MYO1E: variants seen among roughly 807,000 people sequenced by gnomAD.
MYO1E encodes myosin IE, also known as unconventional myosin-Ie.
A neutral mutation model predicts 151.1 loss-of-function variants in MYO1E; 68 were observed. The ratio of observed to expected loss-of-function variants is 0.45; its 90% CI spans 0.37 to 0.55. MYO1E has a LOEUF of 0.55. Among genes scored for constraint, MYO1E ranks in the 20% least tolerant of loss-of-function variants. The pLI, the probability that MYO1E is intolerant of heterozygous loss-of-function variation, is 0.00. For missense variants in MYO1E, 1,363 were observed against 1,389.3 expected (o/e 0.98, Z 0.30); for synonymous variants, 601 against 501.7 (o/e 1.20, Z -2.64).
intron 1 of MYO1E, among the ~76,000 whole-genome samples, chr15:59,306,019 C>T (rs1205210295): frequency 6.6e-6 from 1 of 152,172 alleles, no homozygotes; most frequent in African/African-American, 2.4e-5. Flanking sequence ...GAGAAATAAA[C>T]ACATGCCACA....
intron 5 of MYO1E, among the ~76,000 whole-genome samples, chr15:59,236,364 ATATATACACAC>A (rs2080064221): frequency 4.1e-5 from 2 of 48,540 alleles, no homozygotes; most frequent in Non-Finnish European, 8.2e-5. Flanking sequence ...AAAAAAAAAA[ATATATACACAC>A]ACACACACAC....
At chr15:59,262,875 C>G (rs1201542428) in intron 2 of MYO1E, among the ~76,000 whole-genome samples, 2 of 152,044 alleles carry the variant, frequency 1.3e-5, no homozygotes, top group African/African-American at 4.8e-5. Flanking sequence ...ATTATTCATT[C>G]AACAATCAAC....
At chr15:59,319,550 CTTTTTTTTTTTTTTTTTT>C (rs59491381) in intron 1 of MYO1E, among the ~76,000 whole-genome samples, 26,304 of 65,386 alleles carry the variant, frequency 0.4, 4,298 homozygotes, top group African/African-American at 0.57. Context: ...GTCAAACTAC[CTTTTTTTTTTTTTTTTTT>C]TTTTTTTTTT....
At chr15:59,140,086 G>A (rs1313228237) in intron 26 of MYO1E, among the ~76,000 whole-genome samples, 1 of 148,872 alleles carries the variant, frequency 6.7e-6, no homozygotes, top group South Asian at 2.1e-4. Context: ...GTGTGTGTGT[G>A]TATGGGGGTG....
At chr15:59,362,618 T>C (rs534261538) in intron 1 of MYO1E, among the ~76,000 whole-genome samples, 56 of 152,390 alleles carry the variant, frequency 3.7e-4, no homozygotes, top group African/African-American at 1.2e-3. Flanking sequence ...ACTTACATTC[T>C]TAAAATAGCT....
intron 1 of MYO1E, among the ~76,000 whole-genome samples, chr15:59,322,392 C>G (rs1273192356): frequency 1.3e-5 from 2 of 152,076 alleles, no homozygotes; most frequent in Non-Finnish European, 2.9e-5. Flanking sequence ...TCTATACTTA[C>G]AAATTGCTCT....
At position 59,178,402 on chromosome 15, in the gene MYO1E, G is replaced by A; in HGVS notation, c.2040C>T (p.Ala680=). ...CCAGCCAAGCACTCACAGACTCGGG[G>A]GCTTTGATGAACACTTTACTCCTCC... ...QLGRSKVFIK[A]PESLFLLEEM... The change falls in exon 19 of 28, where the codon GCC becomes GCT. Residue 680 remains alanine, a synonymous_variant. Transcript: ENST00000288235. The A allele has an allele frequency of 6.2e-7, 1 of 1,614,216 alleles. No individual in the cohort carries two copies. Among genetic ancestry groups the A allele is most frequent in the Non-Finnish European group, 8.5e-7 (1 of 1,180,026 alleles).
At chr15:59,338,661 C>G (rs1389688636) in intron 1 of MYO1E, among the ~76,000 whole-genome samples, 2 of 152,082 alleles carry the variant, frequency 1.3e-5, no homozygotes, top group Non-Finnish European at 2.9e-5. Flanking sequence ...CTATTGCTAA[C>G]CTGTAACCAC....
intron 22 of MYO1E, among the ~76,000 whole-genome samples, chr15:59,164,052 C>A (rs146424497): frequency 0.019 from 2,878 of 152,278 alleles, 38 homozygotes; most frequent in Non-Finnish European, 0.03. Context: ...GCAGGTGTTA[C>A]AAGCTATAGG....
intron 1 of MYO1E, among the ~76,000 whole-genome samples, chr15:59,289,583 G>A (rs1596402349): frequency 6.6e-6 from 1 of 152,202 alleles, no homozygotes; most frequent in East Asian, 1.9e-4. Flanking sequence ...CTGCTTATGG[G>A]AAGAAAGTAA....
intron 1 of MYO1E, among the ~76,000 whole-genome samples, chr15:59,361,508 A>C (rs1278325330): frequency 6.6e-6 from 1 of 152,188 alleles, no homozygotes; most frequent in Non-Finnish European, 1.5e-5. Context: ...CCTAATACTC[A>C]TTTCAAGACA....
chr15:59,340,360 C>A (rs1453293014), intron 1 of MYO1E, among the ~76,000 whole-genome samples: 1 of 149,946 alleles, frequency 6.7e-6, no homozygotes, highest in African/African-American at 2.4e-5. Flanking sequence ...TTAAATAAGG[C>A]AAACTTTTCA....
intron 18 of MYO1E, among the ~76,000 whole-genome samples, chr15:59,187,814 T>C (rs572806957): frequency 2.1e-4 from 32 of 152,308 alleles, no homozygotes; most frequent in Non-Finnish European, 4.3e-4. Flanking sequence ...AAGAAGTCAG[T>C]CACAGAGGAC....
At chr15:59,142,973 T>TA (rs2079419940) in intron 26 of MYO1E, among the ~76,000 whole-genome samples, 1 of 146,732 alleles carries the variant, frequency 6.8e-6, no homozygotes, top group Non-Finnish European at 1.5e-5. Context: ...CTAGAGATCG[T>TA]AAGTCTCATG....
At chr15:59,357,822 C>T (rs538244656) in intron 1 of MYO1E, among the ~76,000 whole-genome samples, 96 of 151,868 alleles carry the variant, frequency 6.3e-4, no homozygotes, top group Non-Finnish European at 1.1e-3. Context: ...ATTAGACTGA[C>T]GGGATGGAGA....
intron 2 of MYO1E, among the ~76,000 whole-genome samples, chr15:59,265,798 A>T (rs2080249800): frequency 6.7e-6 from 1 of 149,292 alleles, no homozygotes; most frequent in Non-Finnish European, 1.5e-5. Flanking sequence ...TCCTTAAAAA[A>T]AAAAAAAAAA....
chr15:59,315,819 C>A (rs576767031), intron 1 of MYO1E, among the ~76,000 whole-genome samples: 1 of 152,292 alleles, frequency 6.6e-6, no homozygotes, highest in African/African-American at 2.4e-5. Flanking sequence ...AAAATAAGCA[C>A]ACTTAGATTA....
In MYO1E at chr15:59,236,369, TACACACACACACACACACACACAC is replaced by T. The variant is rs56164138; in HGVS notation, c.420+192_420+215del. ...TCAAAAAAGAAAAAAAAAAAATATATACACACACACACACACACACACACACACACACACACACACACACACACA... is the reference window on the plus strand; with the variant it reads ...TCAAAAAAGAAAAAAAAAAAATATATACACACACACACACACACACACACA... On this transcript the variant is annotated intron_variant, in intron 5 of 27. Transcript: ENST00000288235. Among the ~76,000 whole-genome samples, 32 of 117,748 alleles carry T rather than the reference TACACACACACACACACACACACAC, an allele frequency of 2.7e-4. 1 individual carries two copies. The highest frequency in any genetic ancestry group is 2.1e-3 in the East Asian group (8 of 3,852). The allele number at this position is 117,748 out of a possible 152,430, so 77.2% of individuals were successfully genotyped here.
At chr15:59,303,502 C>G (rs2080495901) in intron 1 of MYO1E, among the ~76,000 whole-genome samples, 1 of 151,816 alleles carries the variant, frequency 6.6e-6, no homozygotes, top group Admixed American at 6.6e-5. Flanking sequence ...GCACTCCAGC[C>G]TGGGTAATAA....
Sources: allele counts gnomAD v4.1 joint callset (sites outside exome capture counted in the v4.1 genomes callset), GRCh38; gene constraint gnomAD v4.1.1; transcripts MANE v1.5; gene names NCBI Gene and HGNC (gene_info 2026-07-23, HGNC 2026-07-21).